Variants in CSTF2 observed in about 807,000 individuals in gnomAD.
The protein encoded by CSTF2 is CF-1 64 kDa subunit.
A neutral mutation model predicts 45.4 loss-of-function variants in CSTF2; 8 were observed. The ratio of observed to expected loss-of-function variants is 0.18; its 90% CI spans 0.10 to 0.32. CSTF2 has a LOEUF of 0.32. Ranked by LOEUF, CSTF2 falls within the 10% of genes least tolerant of loss-of-function variation. The probability of loss-of-function intolerance (pLI) is 1.00; values close to 1 mark genes in which losing one functional copy is unlikely to be tolerated. For synonymous variants in CSTF2, 155 were observed against 158.9 expected (o/e 0.98, Z 0.18); for missense variants, 253 against 477.1 (o/e 0.53, Z 4.38).
intron 11 of CSTF2, among the ~76,000 whole-genome samples, chrX:100,835,220 G>A (rs1170302288): frequency 3.8e-5 from 4 of 105,966 alleles, no homozygotes; most frequent in East Asian, 3.0e-4. Flanking sequence ...CATTCTGATC[G>A]CACCTGTGAC....
At chrX:100,836,031 A>C (rs140212550) in intron 11 of CSTF2, among the ~76,000 whole-genome samples, 139 of 111,800 alleles carry the variant, frequency 1.2e-3, no homozygotes, top group African/African-American at 4.4e-3. Flanking sequence ...TAATGTTCAG[A>C]CTGGTCTCTG....
chrX:100,840,180 G>A (rs1004828870), intron 13 of CSTF2, among the ~76,000 whole-genome samples: 5 of 111,880 alleles, frequency 4.5e-5, no homozygotes, highest in Non-Finnish European at 7.5e-5. Flanking sequence ...TTTATTGTGT[G>A]TCTACTGGTG....
At chrX:100,830,775 C>T in intron 8 of CSTF2, 1 of 1,098,300 alleles carries the variant, frequency 9.1e-7, no homozygotes, top group Non-Finnish European at 1.2e-6. Context: ...TAAGTGTCTG[C>T]TCTTTCTCCT....
At position 100,832,799 on chromosome X, in the gene CSTF2, G is replaced by T. The variant is rs1457578270; in HGVS notation, c.1097G>T (p.Gly366Val). The stretch of plus-strand genomic sequence containing the variant: ...CATGTCCCTGGCCATGAGAGCCGAG[G>T]ACCACCCCCACATGAACTGAGGGGA... ...MHHVPGHESR[G>V]PPPHELRGGP... The change falls in exon 10 of 14, where the codon GGA (glycine) becomes GTA (valine). Residue 366 changes from glycine (G) to valine (V), a missense_variant. Transcript: ENST00000372972. 8.3e-7 allele frequency: 1 copy of T among 1,209,317 alleles called. No homozygotes were observed. The highest frequency in any genetic ancestry group is 1.1e-6 in the Non-Finnish European group (1 of 894,924).
chrX:100,824,005 G>C lies in CSTF2; in HGVS notation c.564G>C (p.Leu188=). The C allele has an allele frequency of 8.3e-7, 1 of 1,211,639 alleles. No homozygotes were observed. The highest frequency in any genetic ancestry group is 1.1e-6 in the Non-Finnish European group (1 of 895,362). ...GAATTGTGGATCCGGAAATTGCCCT[G>C]GTGAGTGCTTCTGGTTCTTTTATGG... ...VMRIVDPEIA[L]KILHRQTNIP... The change falls in exon 5 of 14, where the codon CTG becomes CTC. Residue 188 remains leucine, a splice_region_variant and synonymous_variant. Transcript: ENST00000372972.
chrX:100,821,266 C>T (rs1344633255), intron 1 of CSTF2, among the ~76,000 whole-genome samples: 1 of 112,092 alleles, frequency 8.9e-6, no homozygotes, highest in Non-Finnish European at 1.9e-5. Context: ...ATACCAGTGC[C>T]AAAGTATTTA....
chrX:100,828,224 A>C lies in CSTF2; in HGVS notation c.889+122A>C, dbSNP rs191919621. 17 of 538,596 alleles carry C rather than the reference A, an allele frequency of 3.2e-5. No homozygotes were observed. The East Asian group carries it at 6.5e-4, about 20-fold the overall frequency. The allele number at this position is 538,596 out of a possible 1,213,427, so 44.4% of individuals were successfully genotyped here. On this transcript the variant is annotated intron_variant, in intron 8 of 13. Coordinates refer to ENST00000372972, the MANE Select transcript of CSTF2 (RefSeq NM_001325.3). The stretch of plus-strand genomic sequence containing the variant: ...TTTCAATATTAAGTTAATTAAAATT[A>C]AGTAAAATTTAAAACTCAGTTCCTC...
At chrX:100,824,553 A>T (rs1429420307) in intron 6 of CSTF2, among the ~76,000 whole-genome samples, 6 of 112,027 alleles carry the variant, frequency 5.4e-5, no homozygotes, top group Non-Finnish European at 1.1e-4. Flanking sequence ...GCATTATCTC[A>T]TTTAATCCTC....
chrX:100,831,103 C>T (rs991647659), intron 8 of CSTF2, among the ~76,000 whole-genome samples: 1 of 111,602 alleles, frequency 9.0e-6, no homozygotes, highest in Admixed American at 9.5e-5. Flanking sequence ...TCCCTCCCTA[C>T]TGGTGTCAGG....
intron 11 of CSTF2, among the ~76,000 whole-genome samples, chrX:100,836,994 CTTTCA>C (rs1187006795): frequency 8.9e-6 from 1 of 111,956 alleles, no homozygotes; most frequent in Non-Finnish European, 1.9e-5. Context: ...ACTCTGTTGG[CTTTCA>C]TTTGTATTTC....
intron 11 of CSTF2, among the ~76,000 whole-genome samples, chrX:100,833,869 CT>C (rs899626943): frequency 1.8e-5 from 2 of 111,714 alleles, no homozygotes; most frequent in Non-Finnish European, 3.8e-5. Context: ...GTTTGAAAAA[CT>C]TCCCCCAAAT....
In CSTF2 at chrX:100,822,116, A is replaced by T. The variant is rs776728390; in HGVS notation, c.138-135A>T. The T allele has an allele frequency of 1.7e-4, 82 of 486,445 alleles. No individual in the cohort carries two copies. The African/African-American group carries it at 2.0e-3, about 12-fold the overall frequency. 40.1% of individuals were successfully genotyped at this position (486,445 alleles called of 1,213,427 possible). A position where few individuals can be genotyped will look rare whatever the true frequency, so the allele number is the denominator to read the frequency against. The stretch of plus-strand genomic sequence containing the variant: ...TCAGGAAAAAAAAAAAAAAAGTTTT[A>T]AAAAATATTTCTGTGAGGCTGTCAG... On this transcript the variant is annotated intron_variant, in intron 2 of 13. Coordinates refer to ENST00000372972, the MANE Select transcript of CSTF2 (RefSeq NM_001325.3).
chrX:100,821,129 ACATT>A (rs1198439991), intron 1 of CSTF2, among the ~76,000 whole-genome samples: 5 of 112,929 alleles, frequency 4.4e-5, no homozygotes, highest in Admixed American at 2.8e-4. Flanking sequence ...ATCTTTCACT[ACATT>A]CATCGTCATT....
chrX:100,827,995 G>T, intron 7 of CSTF2, 45 bp from the exon 8 acceptor site: 1 of 1,108,365 alleles, frequency 9.0e-7, no homozygotes, highest in African/African-American at 1.8e-5. Context: ...TTTCTTTTCC[G>T]CTGTTCTAAT....
intron 8 of CSTF2, among the ~76,000 whole-genome samples, chrX:100,829,509 T>C (rs1001798052): frequency 3.6e-4 from 40 of 109,692 alleles, no homozygotes; most frequent in African/African-American, 6.6e-4. Context: ...TATATATATA[T>C]ACACACACAC....
At position 100,832,827 on chromosome X, in the gene CSTF2, G is replaced by A; in HGVS notation, c.1125G>A (p.Gly375=). The change falls in exon 10 of 14, where the codon GGG becomes GGA. Residue 375 remains glycine (G), a synonymous_variant. Transcript: ENST00000372972. ...CACCCCCACATGAACTGAGGGGAGG[G>A]CCATTACCCGAGCCCAGACCTCTAA... is the stretch of plus-strand genomic sequence containing the variant. ...RGPPPHELRG[G]PLPEPRPLMA... The A allele has an allele frequency of 8.3e-7, 1 of 1,209,890 alleles. No individual in the cohort carries two copies. Among genetic ancestry groups the A allele is most frequent in the Non-Finnish European group, 1.1e-6 (1 of 894,499 alleles).
intron 10 of CSTF2, 62 bp downstream of exon 10, chrX:100,832,971 G>C: frequency 9.2e-7 from 1 of 1,083,368 alleles, no homozygotes; most frequent in Non-Finnish European, 1.2e-6. Flanking sequence ...TCTAATCTGG[G>C]ATAAAGAATG....
intron 11 of CSTF2, among the ~76,000 whole-genome samples, chrX:100,835,472 C>G (rs2085002676): frequency 9.1e-6 from 1 of 109,503 alleles, no homozygotes; most frequent in African/African-American, 3.3e-5. Flanking sequence ...TAGATAATCA[C>G]TTTTATTAGA....
intron 2 of CSTF2, among the ~76,000 whole-genome samples, chrX:100,821,927 C>T (rs2084920364): frequency 9.1e-6 from 1 of 110,382 alleles, no homozygotes; most frequent in African/African-American, 3.3e-5. Flanking sequence ...AACCTTGTCT[C>T]TACTAAAAAT....
Sources: gnomAD v4.1 joint callset for allele counts (sites outside exome capture counted in the v4.1 genomes callset) on GRCh38, gnomAD v4.1.1 for gene constraint, MANE v1.5 for transcripts, NCBI Gene and HGNC (gene_info 2026-07-23, HGNC 2026-07-21) for gene names.